PNISR: variants seen among roughly 807,000 people sequenced by gnomAD.
PNISR encodes PNN interacting serine and arginine rich protein, also known as arginine/serine-rich protein PNISR.
Under a neutral mutation model 93.4 loss-of-function variants are expected in PNISR, and 20 were observed. That is an observed-to-expected ratio of 0.21 (90% CI 0.15 to 0.31). The LOEUF is 0.31. Among genes scored for constraint, PNISR ranks in the 10% least tolerant of loss-of-function variants. The pLI is 1.00. For synonymous variants in PNISR, 305 were observed against 306.5 expected (o/e 0.99, Z 0.05); for missense variants, 893 against 985.4 (o/e 0.91, Z 1.25).
In PNISR at chr6:99,409,224, G is replaced by A. The variant is rs1776548795; in HGVS notation, c.622C>T (p.Arg208Cys). Residue 208 changes from arginine to cysteine, a missense_variant, in exon 6 of 12, where the codon CGT becomes TGT. Around this residue, in one of 3 missense-constraint regions of PNISR, gnomAD observed 866 missense variants for 935.1 expected, o/e 0.93. Coordinates refer to ENST00000369239, the MANE Select transcript of PNISR (RefSeq NM_032870.4). ...RRERPSSFRD[R>C]QRSPIALPVK... The stretch of plus-strand genomic sequence containing the variant: ...GGAAGTGCAATAGGTGAACGCTGAC[G>A]ATCCCTGAATGATGATGGCCTTTCT... 4.3e-6 allele frequency: 7 copies of A among 1,613,842 alleles called. No homozygotes were observed. The highest frequency in any genetic ancestry group is 5.1e-6 in the Non-Finnish European group (6 of 1,179,912).
intron 11 of PNISR, among the ~76,000 whole-genome samples, chr6:99,402,080 AG>A (rs1283515146): frequency 2.0e-5 from 3 of 152,326 alleles, no homozygotes; most frequent in Admixed American, 6.5e-5. Flanking sequence ...AAAATTTTAA[AG>A]GTAAGTAAGT....
In PNISR at chr6:99,425,263, C is replaced by G. The variant is rs926019623; in HGVS notation, c.-160G>C. On this transcript the variant is annotated 5_prime_UTR_variant, in exon 1 of 12. Transcript: ENST00000369239. The stretch of plus-strand genomic sequence containing the variant: ...TGTCGCCGCCGTTCCGGTAACACCT[C>G]TCCAACGCTTTCGATGCTTCTACTT... The G allele has an allele frequency of 8.1e-7, 1 of 1,232,200 alleles. No individual in the cohort carries two copies. The highest frequency in any genetic ancestry group is 1.0e-6 in the Non-Finnish European group (1 of 987,970). 76.3% of individuals were successfully genotyped at this position (1,232,200 alleles called of 1,614,324 possible).
In PNISR at chr6:99,398,354, C is replaced by T. The variant is rs1775099944; in HGVS notation, c.*2186G>A. 1 of 152,094 alleles carries T rather than the reference C, an allele frequency of 6.6e-6. No homozygotes were observed. Among genetic ancestry groups the T allele is most frequent in the Admixed American group, 6.5e-5 (1 of 15,270 alleles). 9.4% of individuals were successfully genotyped at this position (152,094 alleles called of 1,614,324 possible). On this transcript the variant is annotated 3_prime_UTR_variant, in exon 12 of 12. Coordinates refer to ENST00000369239, the MANE Select transcript of PNISR (RefSeq NM_032870.4). ...ACTTATGTGTAAGTTTTTGCATTCACATCCTAAATCATGGAAACCCTACCT... is the reference window on the plus strand; with the variant it reads ...ACTTATGTGTAAGTTTTTGCATTCATATCCTAAATCATGGAAACCCTACCT...
Position 99,408,138 on chromosome 6 carries a change from C to CT in PNISR, c.806dup (p.Ala270GlyfsTer6). On this transcript the variant is annotated frameshift_variant, in exon 7 of 12. Coordinates refer to ENST00000369239, the MANE Select transcript of PNISR (RefSeq NM_032870.4). LOFTEE classifies it high-confidence loss of function. ...CCCCTCCTTCAGCATCTTCTGTGGCCTTTTTTTCTTTTTTGGACAATTGTG... is the reference window on the plus strand; with the variant it reads ...CCCCTCCTTCAGCATCTTCTGTGGCCTTTTTTTTCTTTTTTGGACAATTGTG... The CT allele has an allele frequency of 6.2e-7, 1 of 1,612,214 alleles. No individual in the cohort carries two copies. Among genetic ancestry groups the CT allele is most frequent in the South Asian group, 1.1e-5 (1 of 90,548 alleles).
At position 99,399,243 on chromosome 6, in the gene PNISR, A is replaced by T. The variant is rs1223364951; in HGVS notation, c.*1297T>A. On this transcript the variant is annotated 3_prime_UTR_variant, in exon 12 of 12. Transcript: ENST00000369239. ...TTTATCACTGAGTAAGTGATTACAT[A>T]AAAAAATGGACCCTAAAGCAACTGA... The T allele has an allele frequency of 6.6e-6, 1 of 152,132 alleles. No homozygotes were observed. The highest frequency in any genetic ancestry group is 1.5e-5 in the Non-Finnish European group (1 of 67,978). The allele number at this position is 152,132 out of a possible 1,614,324, so 9.4% of individuals were successfully genotyped here.
chr6:99,403,033 T>C (rs1046808558), intron 10 of PNISR: 60 of 181,888 alleles, frequency 3.3e-4, no homozygotes, highest in African/African-American at 1.3e-3. Context: ...TAAAGCTTAA[T>C]GATGACCCTG....
At chr6:99,420,154 T>C (rs768126092) in intron 1 of PNISR, among the ~76,000 whole-genome samples, 4 of 152,236 alleles carry the variant, frequency 2.6e-5, no homozygotes, top group Admixed American at 6.5e-5. Context: ...AGTGCTGGGA[T>C]TACAGACGTG....
At chr6:99,417,743 AT>A (rs1777892867) in intron 1 of PNISR, among the ~76,000 whole-genome samples, 2 of 152,058 alleles carry the variant, frequency 1.3e-5, no homozygotes, top group African/African-American at 2.4e-5. Context: ...AGGCAGGTGG[AT>A]TACCTGAGGT....
intron 1 of PNISR, among the ~76,000 whole-genome samples, chr6:99,416,906 G>A (rs1286475236): frequency 2.0e-5 from 3 of 152,168 alleles, no homozygotes; most frequent in Admixed American, 1.3e-4. Flanking sequence ...GCTTTTTACA[G>A]TTGAAAGAAA....
chr6:99,401,060 C>A lies in PNISR; in HGVS notation c.1898G>T (p.Arg633Leu). 1 of 1,613,578 alleles carries A rather than the reference C, an allele frequency of 6.2e-7. No homozygotes were observed. The highest frequency in any genetic ancestry group is 8.5e-7 in the Non-Finnish European group (1 of 1,179,894). Residue 633 changes from arginine to leucine, a missense_variant, in exon 12 of 12, where the codon CGC becomes CTC. Transcript: ENST00000369239. ...SRDRRTNRAS[R>L]SRSRDRRKID... is the part of the protein sequence containing the mutation. ...TTTACGCCTATCTCGACTCCTACTG[C>A]GACTGGCACGATTGGTTCGTCTATC...
rs771105561 is a variant in PNISR, at chr6:99,403,931, C to T, written c.1103-49G>A. 1.0e-5 allele frequency: 14 copies of T among 1,359,206 alleles called. No homozygotes were observed. The East Asian group carries it at 1.4e-4, about 13-fold the overall frequency. The allele number at this position is 1,359,206 out of a possible 1,614,324, so 84.2% of individuals were successfully genotyped here. A position where few individuals can be genotyped will look rare whatever the true frequency, so the allele number is the denominator to read the frequency against. ...AACAACATGTTAACACAAATAGCCA[C>T]GATTTCATAGTCATGAGTCTATGGT... On this transcript the variant is annotated intron_variant, in intron 9 of 11. Coordinates refer to ENST00000369239, the MANE Select transcript of PNISR (RefSeq NM_032870.4).
In PNISR at chr6:99,412,666, T is replaced by C. The variant is rs753866290; in HGVS notation, c.162A>G (p.Val54=). 4 of 1,612,742 alleles carry C rather than the reference T, an allele frequency of 2.5e-6. No homozygotes were observed. Among genetic ancestry groups the C allele is most frequent in the Admixed American group, 3.3e-5 (2 of 59,816 alleles). Residue 54 remains valine, a synonymous_variant, in exon 4 of 12, where the codon GTA becomes GTG. Coordinates refer to ENST00000369239, the MANE Select transcript of PNISR (RefSeq NM_032870.4). ...TTGGCATCATTCCTGGTGGTTGTTC[T>C]ACCATGCTTTGCTGTCCTGAAGCTT... is the stretch of plus-strand genomic sequence containing the variant. ...QREASGQQSM[V]EQPPGMMPNG...
At chr6:99,422,553 C>G (rs1240471456) in intron 1 of PNISR, among the ~76,000 whole-genome samples, 1 of 152,142 alleles carries the variant, frequency 6.6e-6, no homozygotes, top group Non-Finnish European at 1.5e-5. Flanking sequence ...TACTGAAATA[C>G]TTGCAGCTTG....
intron 8 of PNISR, 49 bp from the exon 9 acceptor site, chr6:99,404,751 T>C (rs1482907383): frequency 3.4e-6 from 3 of 887,246 alleles, no homozygotes; most frequent in Admixed American, 2.1e-5. Flanking sequence ...TAGCTACTAA[T>C]AGTGTGACAT....
In PNISR at chr6:99,414,737, T is replaced by A; in HGVS notation, c.-31-47A>T. ...TTAAAAATTATAGTGAGTTATTTAA[T>A]CTTAAAACCTCACATCAGAAATTAT... On this transcript the variant is annotated intron_variant, in intron 2 of 11. Coordinates refer to ENST00000369239, the MANE Select transcript of PNISR (RefSeq NM_032870.4). 5 of 772,990 alleles carry A rather than the reference T, an allele frequency of 6.5e-6. No individual in the cohort carries two copies. In the Admixed American group the frequency reaches 1.3e-4, roughly 21 times the overall value. The allele number at this position is 772,990 out of a possible 1,614,324, so 47.9% of individuals were successfully genotyped here.
intron 4 of PNISR, 91 bp from the exon 5 acceptor site, chr6:99,411,055 A>C: frequency 1.1e-6 from 1 of 942,980 alleles, no homozygotes; most frequent in Non-Finnish European, 1.6e-6. Context: ...TTTTTCAGTA[A>C]ACATACAGAT....
At chr6:99,425,114 C>G in intron 1 of PNISR, 101 bp downstream of exon 1, 1 of 734,614 alleles carries the variant, frequency 1.4e-6, no homozygotes, top group Non-Finnish European at 1.9e-6. Context: ...CGCCAAGCAG[C>G]GTACGCAGCC....
At chr6:99,412,398 AAAATGTC>A (rs1777057959) in intron 4 of PNISR, 146 bp downstream of exon 4, 3 of 714,522 alleles carry the variant, frequency 4.2e-6, no homozygotes, top group Non-Finnish European at 7.6e-6. Context: ...TTTTAACCAC[AAAATGTC>A]AAAGTCAAAT....
At chr6:99,403,736 G>T in intron 10 of PNISR, 93 bp downstream of exon 10, 1 of 890,790 alleles carries the variant, frequency 1.1e-6, no homozygotes, top group Non-Finnish European at 1.8e-6. Context: ...AAACTGAGTA[G>T]GACTAATACA....
Sources: gnomAD v4.1 joint callset for allele counts (sites outside exome capture counted in the v4.1 genomes callset) on GRCh38, gnomAD v4.1.1 for gene constraint, gnomAD v4.1.1 regional missense constraint, MANE v1.5 for transcripts, NCBI Gene and HGNC (gene_info 2026-07-23, HGNC 2026-07-21) for gene names.